Variants in ERG observed in about 807,000 individuals in gnomAD.
The protein encoded by ERG is ETS transcription factor ERG, also known as transcriptional regulator ERG.
Under a neutral mutation model 55.3 loss-of-function variants are expected in ERG, and 9 were observed. The observed-to-expected ratio is 0.16, with a 90% CI of 0.10 to 0.28. The LOEUF (loss-of-function observed/expected upper bound fraction) is 0.28, where lower values mean the gene tolerates loss of function less well. ERG is among the 10% of genes least tolerant of loss of function. ERG has a pLI of 1.00. For missense variants in ERG, 434 were observed against 631.6 expected (o/e 0.69, Z 3.35); for synonymous variants, 223 against 237.3 (o/e 0.94, Z 0.55).
intron 2 of ERG, among the ~76,000 whole-genome samples, chr21:38,539,893 A>AT (rs11338575): frequency 0.15 from 17,496 of 118,998 alleles, 1,587 homozygotes; most frequent in South Asian, 0.19. Flanking sequence ...CCAACACGTG[A>AT]TTTTTTTTTT....
At chr21:38,390,416 G>A (rs531820830) in intron 9 of ERG, among the ~76,000 whole-genome samples, 95 of 152,122 alleles carry the variant, frequency 6.2e-4, no homozygotes, top group Non-Finnish European at 1.1e-3. Flanking sequence ...ATCTTAACCC[G>A]CAGTATCTAA....
At chr21:38,462,017 T>C (rs2059047966) in intron 1 of ERG, among the ~76,000 whole-genome samples, 1 of 152,030 alleles carries the variant, frequency 6.6e-6, no homozygotes, top group Non-Finnish European at 1.5e-5. Flanking sequence ...AGTCTCGCCC[T>C]GTTGCCCAGG....
At chr21:38,532,481 T>C (rs924727368) in intron 2 of ERG, among the ~76,000 whole-genome samples, 2 of 152,220 alleles carry the variant, frequency 1.3e-5, no homozygotes, top group African/African-American at 2.4e-5. Context: ...TCCCATCATC[T>C]AAAGCAATTC....
rs3838107 is a variant in ERG, at chr21:38,419,757, CTT to C, written c.388+3651_388+3652del. Among the ~76,000 whole-genome samples, 749 of 151,838 alleles carry C rather than the reference CTT, an allele frequency of 4.9e-3. 5 individuals are homozygous for C. Among genetic ancestry groups the C allele is most frequent in the Non-Finnish European group, 8.4e-3 (568 of 67,962 alleles). ...TTTCTAGTTGACACTTTCTTATGGG[CTT>C]TTTTTTGACACTTTTTTTATGGGCT... On this transcript the variant is annotated intron_variant, in intron 3 of 9. Transcript: ENST00000288319.
chr21:38,633,450 A>T (rs374760219), intron 1 of ERG, among the ~76,000 whole-genome samples: 1 of 152,232 alleles, frequency 6.6e-6, no homozygotes, highest in East Asian at 1.9e-4. Flanking sequence ...TGTATGGATT[A>T]TATCAGTTCA....
At chr21:38,391,246 G>A (rs531470493) in intron 8 of ERG, among the ~76,000 whole-genome samples, 1 of 152,250 alleles carries the variant, frequency 6.6e-6, no homozygotes, top group East Asian at 1.9e-4. Flanking sequence ...ACTCCTAATT[G>A]GTGGCAGGGC....
chr21:38,406,738 C>T (rs943581315), intron 3 of ERG, among the ~76,000 whole-genome samples: 1 of 151,980 alleles, frequency 6.6e-6, no homozygotes, highest in Admixed American at 6.6e-5. Flanking sequence ...ATGGTGGAAC[C>T]GGATATTCTC....
chr21:38,447,958 A>G (rs2058907184), intron 1 of ERG, among the ~76,000 whole-genome samples: 1 of 152,094 alleles, frequency 6.6e-6, no homozygotes, highest in Admixed American at 6.6e-5. Context: ...ATTACAAACT[A>G]AAAAGGAAAT....
At chr21:38,434,895 C>T (rs1254353161) in intron 2 of ERG, among the ~76,000 whole-genome samples, 1 of 152,152 alleles carries the variant, frequency 6.6e-6, no homozygotes, top group Admixed American at 6.5e-5. Context: ...CATAACTGTA[C>T]CTCGGTGAAC....
At chr21:38,621,084 T>C (rs556275273) in intron 1 of ERG, among the ~76,000 whole-genome samples, 54 of 152,198 alleles carry the variant, frequency 3.5e-4, no homozygotes, top group Middle Eastern at 3.4e-3. Context: ...GGAATTTGAG[T>C]GTGAAGGGAA....
chr21:38,652,884 T>C (rs992882107), intron 1 of ERG, among the ~76,000 whole-genome samples: 1 of 152,192 alleles, frequency 6.6e-6, no homozygotes. Flanking sequence ...TGTGAACTCA[T>C]CTCCTTCGAG....
At position 38,380,594 on chromosome 21, in the gene ERG, A is replaced by G. The variant is rs947102894; in HGVS notation, c.*2809T>C. On this transcript the variant is annotated 3_prime_UTR_variant, in exon 10 of 10. Transcript: ENST00000288319. ...AGAGAAAAGGTTCATGCAATTATGA[A>G]TATGACCTGGAGGGGGCTTTGGAAT... The G allele has an allele frequency of 1.0e-5, 11 of 1,065,628 alleles. No individual in the cohort carries two copies. The highest frequency in any genetic ancestry group is 5.0e-5 in the East Asian group (1 of 20,128). 66.0% of individuals were successfully genotyped at this position (1,065,628 alleles called of 1,614,324 possible).
In ERG at chr21:38,543,510, A is replaced by G. The variant is rs76236540; in HGVS notation, c.-41+32152T>C. Among the ~76,000 whole-genome samples, 18 of 152,258 alleles carry G rather than the reference A, an allele frequency of 1.2e-4. No homozygotes were observed. In the East Asian group the frequency reaches 3.3e-3, roughly 28 times the overall value. ...ATGGGCATATATGACTTTTATAGCCAGGTAATTCAATATTCATTCATTCAG... is the reference window on the plus strand; with the variant it reads ...ATGGGCATATATGACTTTTATAGCCGGGTAATTCAATATTCATTCATTCAG... On this transcript the variant is annotated intron_variant, in intron 2 of 8. Transcript: ENST00000398897.
rs144060553 is a variant in ERG, at chr21:38,608,380, G to A, written c.-149-23435C>T. Among the ~76,000 whole-genome samples, 3 of 152,254 alleles carry A rather than the reference G, an allele frequency of 2.0e-5. No individual in the cohort carries two copies. In the South Asian group the frequency reaches 6.2e-4, roughly 32 times the overall value. ...TTTATTAGGGATAAAGATGAGCAAAGCTTGGTAATAAGGAGCAATAATTCA... is the reference window on the plus strand; with the variant it reads ...TTTATTAGGGATAAAGATGAGCAAAACTTGGTAATAAGGAGCAATAATTCA... On this transcript the variant is annotated intron_variant, in intron 1 of 10. Transcript: ENST00000398910.
chr21:38,512,435 T>C (rs2059519679), intron 2 of ERG, among the ~76,000 whole-genome samples: 1 of 152,212 alleles, frequency 6.6e-6, no homozygotes. Context: ...ATACTCACAA[T>C]AGACAGTTAT....
intron 2 of ERG, among the ~76,000 whole-genome samples, chr21:38,516,325 T>C (rs1202794286): frequency 1.3e-5 from 2 of 151,714 alleles, no homozygotes; most frequent in Admixed American, 1.3e-4. Flanking sequence ...TACCCAATAA[T>C]GCACTGGCTG....
At chr21:38,587,162 A>G (rs1459326729), upstream of ERG, among the ~76,000 whole-genome samples, 2 of 152,192 alleles carry the variant, frequency 1.3e-5, no homozygotes, top group Non-Finnish European at 2.9e-5. Flanking sequence ...CTTTATAATC[A>G]GGGGAGAAAA....
rs984258873 is a variant in ERG at position 38,387,184 on chromosome 21, C to T, written c.920-3261G>A. On this transcript the variant is annotated intron_variant, in intron 9 of 9. Transcript: ENST00000288319. ...GCATCCTGGTGCAAAGCCCTGCAGC[C>T]GTCAGCTGATGAACAAGGGCAGTAA... is the stretch of plus-strand genomic sequence containing the variant. 6.6e-5 allele frequency among the ~76,000 whole-genome samples: 10 copies of T among 152,164 alleles called. No homozygotes were observed. The East Asian group carries it at 9.6e-4, about 15-fold the overall frequency.
chr21:38,391,337 G>T (rs564776726), intron 8 of ERG, among the ~76,000 whole-genome samples: 1 of 152,174 alleles, frequency 6.6e-6, no homozygotes, highest in South Asian at 2.1e-4. Flanking sequence ...CATGTGCCAA[G>T]CCCCATCAAT....
Sources: allele counts gnomAD v4.1 joint callset (sites outside exome capture counted in the v4.1 genomes callset), GRCh38; gene constraint gnomAD v4.1.1; transcripts MANE v1.5; gene names NCBI Gene and HGNC (gene_info 2026-07-23, HGNC 2026-07-21).